Variants in SRGAP1 observed in about 807,000 individuals in gnomAD.
SRGAP1 encodes SLIT-ROBO Rho GTPase activating protein 1, also known as SLIT-ROBO Rho GTPase-activating protein 1.
Under a neutral mutation model 121.9 loss-of-function variants are expected in SRGAP1, and 43 were observed. That is an observed-to-expected ratio of 0.35 (90% confidence interval 0.28 to 0.46). The LOEUF (loss-of-function observed/expected upper bound fraction) is 0.46. Ranked by LOEUF, SRGAP1 falls within the 20% of genes least tolerant of loss-of-function variation. The probability of loss-of-function intolerance (pLI) is 1.00; values close to 1 mark genes in which losing one functional copy is unlikely to be tolerated. For missense variants in SRGAP1, 1,102 were observed against 1,350.9 expected (o/e 0.82, Z 2.89); for synonymous variants, 447 against 485.4 (o/e 0.92, Z 1.04).
At chr12:64,009,335 A>C (rs375347521) in intron 3 of SRGAP1, among the ~76,000 whole-genome samples, 42 of 152,280 alleles carry the variant, frequency 2.8e-4, no homozygotes, top group African/African-American at 9.6e-4. Context: ...CCAATTTATC[A>C]GCATTTTGAG....
At chr12:64,123,643 G>GATTT (rs140354888) in intron 18 of SRGAP1, among the ~76,000 whole-genome samples, 9,887 of 141,184 alleles carry the variant, frequency 0.07, 387 homozygotes, top group East Asian at 0.11. Context: ...ATTGCTAAAG[G>GATTT]ATTTATTTAT....
chr12:64,129,273 C>G (rs2036746884), intron 21 of SRGAP1, among the ~76,000 whole-genome samples: 2 of 152,026 alleles, frequency 1.3e-5, no homozygotes, highest in African/African-American at 4.8e-5. Context: ...AGTCCAAGTT[C>G]CAAAACTGAA....
chr12:63,947,463 G>A lies in SRGAP1; in HGVS notation c.68-36484G>A, dbSNP rs901146839. ...TACATTTATGTCTGTGGCCCATTTT[G>A]AGTTAATTTTGGTTTATGGTGTTAC... is the stretch of plus-strand genomic sequence containing the variant. On this transcript the variant is annotated intron_variant, in intron 1 of 21. Transcript: ENST00000355086. Among the ~76,000 whole-genome samples the A allele has an allele frequency of 2.6e-5, 4 of 152,182 alleles. No homozygotes were observed. In the East Asian group the frequency reaches 5.8e-4, roughly 22 times the overall value.
intron 10 of SRGAP1, among the ~76,000 whole-genome samples, chr12:64,082,930 C>T (rs1417277376): frequency 1.3e-5 from 2 of 152,214 alleles, no homozygotes; most frequent in Admixed American, 6.5e-5. Flanking sequence ...TCTCTGCTTC[C>T]TAGCCCTGCC....
At position 64,146,191 on chromosome 12, in the gene SRGAP1, C is replaced by T. The variant is rs1168151267; in HGVS notation, c.*3519C>T. ...GTTCACGTTCAGTGTCAACACCATT[C>T]AACAGCTTTGCACATCTTCGTACAA... On this transcript the variant is annotated 3_prime_UTR_variant, in exon 22 of 22. Coordinates refer to ENST00000355086, the MANE Select transcript of SRGAP1 (RefSeq NM_020762.4). 1 of 152,156 alleles carries T rather than the reference C, an allele frequency of 6.6e-6. No homozygotes were observed. The allele number at this position is 152,156 out of a possible 1,614,324, so 9.4% of individuals were successfully genotyped here.
chr12:63,968,645 C>A (rs942562524), intron 1 of SRGAP1, among the ~76,000 whole-genome samples: 2 of 152,292 alleles, frequency 1.3e-5, no homozygotes. Context: ...CCGTTTCAAC[C>A]CTGTCAGGAC....
chr12:63,948,757 A>T (rs1343960494), intron 1 of SRGAP1, among the ~76,000 whole-genome samples: 2 of 145,720 alleles, frequency 1.4e-5, no homozygotes, highest in South Asian at 2.2e-4. Context: ...CCATATATAT[A>T]TTTTCCATGT....
chr12:63,953,399 A>ATT (rs34352334), intron 1 of SRGAP1, among the ~76,000 whole-genome samples: 8 of 114,702 alleles, frequency 7.0e-5, no homozygotes, highest in East Asian at 2.5e-4. Context: ...TTCTTGATTG[A>ATT]TTTTTTTTTT....
chr12:64,024,169 C>G (rs755536499), intron 4 of SRGAP1, among the ~76,000 whole-genome samples: 2 of 152,134 alleles, frequency 1.3e-5, no homozygotes, highest in African/African-American at 4.8e-5. Context: ...TGGTGATTCA[C>G]GTCTGTAATC....
rs1474774774 is a variant in SRGAP1, at chr12:64,043,116, A to C, written c.672+144A>C. The C allele has an allele frequency of 4.4e-6, 3 of 675,764 alleles. No homozygotes were observed. In the African/African-American group the frequency reaches 5.4e-5, roughly 12 times the overall value. 41.9% of individuals were successfully genotyped at this position (675,764 alleles called of 1,614,324 possible). A position where few individuals can be genotyped will look rare whatever the true frequency, so the allele number is the denominator to read the frequency against. On this transcript the variant is annotated intron_variant, in intron 5 of 21. Coordinates refer to ENST00000355086, the MANE Select transcript of SRGAP1 (RefSeq NM_020762.4). Reference sequence around the variant, plus strand: ...CCCATGGGAATGAGAAATGTTTAGGAAATATAAAAATCATGTAATAACAGC... The same window carrying C: ...CCCATGGGAATGAGAAATGTTTAGGCAATATAAAAATCATGTAATAACAGC...
At chr12:63,988,583 A>G (rs1042487323) in intron 2 of SRGAP1, among the ~76,000 whole-genome samples, 1 of 152,168 alleles carries the variant, frequency 6.6e-6, no homozygotes, top group Non-Finnish European at 1.5e-5. Context: ...TAGAGAGGGC[A>G]TTGACTTAAT....
At chr12:64,070,259 A>G (rs2035615886) in intron 8 of SRGAP1, among the ~76,000 whole-genome samples, 1 of 152,134 alleles carries the variant, frequency 6.6e-6, no homozygotes, top group Admixed American at 6.6e-5. Flanking sequence ...ACCATTTATT[A>G]CAGTTCTCAT....
chr12:63,933,117 G>A (rs552632579), intron 1 of SRGAP1, among the ~76,000 whole-genome samples: 1 of 152,284 alleles, frequency 6.6e-6, no homozygotes, highest in Non-Finnish European at 1.5e-5. Flanking sequence ...GAACCCGGGA[G>A]GTGGAGGTTG....
rs547654284 is a variant in SRGAP1, at chr12:64,146,294, G to A, written c.*3622G>A. 1.3e-5 allele frequency: 2 copies of A among 152,238 alleles called. No individual in the cohort carries two copies. The highest frequency in any genetic ancestry group is 6.5e-5 in the Admixed American group (1 of 15,290). The allele number at this position is 152,238 out of a possible 1,614,324, so 9.4% of individuals were successfully genotyped here. On this transcript the variant is annotated 3_prime_UTR_variant, in exon 22 of 22. Transcript: ENST00000355086. Reference sequence around the variant, plus strand: ...GGTCCCACAATCTACTGCAATGATCGTGAACAGTTATCAGTGGATATAGTG... The same window carrying A: ...GGTCCCACAATCTACTGCAATGATCATGAACAGTTATCAGTGGATATAGTG...
intron 1 of SRGAP1, among the ~76,000 whole-genome samples, chr12:63,968,375 G>A (rs368273620): frequency 3.3e-4 from 50 of 152,188 alleles, no homozygotes; most frequent in Middle Eastern, 6.8e-3. Context: ...CAGATTTCTG[G>A]CTTCTCTCTC....
At chr12:63,851,435 A>T (rs2136253990) in intron 1 of SRGAP1, among the ~76,000 whole-genome samples, 1 of 152,194 alleles carries the variant, frequency 6.6e-6, no homozygotes, top group South Asian at 2.1e-4. Context: ...TCTAATTTTT[A>T]AAAAATAAAT....
intron 8 of SRGAP1, among the ~76,000 whole-genome samples, chr12:64,071,311 C>A (rs2035632022): frequency 6.6e-6 from 1 of 152,180 alleles, no homozygotes; most frequent in South Asian, 2.1e-4. Context: ...TGGCAGAGCT[C>A]AGGATGGCTC....
intron 1 of SRGAP1, among the ~76,000 whole-genome samples, chr12:63,869,760 C>G (rs1161737046): frequency 6.6e-6 from 1 of 152,108 alleles, no homozygotes; most frequent in African/African-American, 2.4e-5. Flanking sequence ...TAGGTTGGTG[C>G]AAAAGTAATG....
chr12:64,055,983 G>A (rs960302418), intron 6 of SRGAP1, among the ~76,000 whole-genome samples: 2 of 152,014 alleles, frequency 1.3e-5, no homozygotes, highest in Non-Finnish European at 2.9e-5. Context: ...TGTCTAACAG[G>A]CATCTTGAAC....
Sources: gnomAD v4.1 joint callset for allele counts (sites outside exome capture counted in the v4.1 genomes callset) on GRCh38, gnomAD v4.1.1 for gene constraint, MANE v1.5 for transcripts, NCBI Gene and HGNC (gene_info 2026-07-23, HGNC 2026-07-21) for gene names.